IGF2BP2: variants seen among roughly 807,000 people sequenced by gnomAD.
The protein encoded by IGF2BP2 is insulin-like growth factor 2 mRNA-binding protein 2.
A neutral mutation model predicts 75.8 loss-of-function variants in IGF2BP2; 17 were observed. That is an observed-to-expected ratio of 0.22 (90% CI 0.15 to 0.34). The LOEUF (loss-of-function observed/expected upper bound fraction) is 0.34. Ranked by LOEUF, IGF2BP2 falls within the 10% of genes least tolerant of loss-of-function variation. IGF2BP2 has a pLI of 1.00. For missense variants in IGF2BP2, 516 were observed against 772.4 expected (o/e 0.67, Z 3.93); for synonymous variants, 288 against 295.6 (o/e 0.97, Z 0.26).
In IGF2BP2 at chr3:185,698,416, G is replaced by A. The variant is rs531444244; in HGVS notation, c.240-69C>T. Reference sequence around the variant, plus strand: ...CAAACTACAGCAAATAATAAAAACCGGCTTAAACCCGTCATTTGAATTTGT... The same window carrying A: ...CAAACTACAGCAAATAATAAAAACCAGCTTAAACCCGTCATTTGAATTTGT... On this transcript the variant is annotated intron_variant, in intron 2 of 15. Coordinates refer to ENST00000382199, the MANE Select transcript of IGF2BP2 (RefSeq NM_006548.6). 3.8e-5 allele frequency: 54 copies of A among 1,414,928 alleles called. 2 individuals carry two copies. The South Asian group carries it at 4.6e-4, about 12-fold the overall frequency. The allele number at this position is 1,414,928 out of a possible 1,614,324, so 87.6% of individuals were successfully genotyped here. A position where few individuals can be genotyped will look rare whatever the true frequency, so the allele number is the denominator to read the frequency against.
chr3:185,804,607 A>T (rs1738749925), intron 2 of IGF2BP2, among the ~76,000 whole-genome samples: 1 of 152,184 alleles, frequency 6.6e-6, no homozygotes, highest in African/African-American at 2.4e-5. Context: ...TAAATTTTTT[A>T]AAATCTGCCC....
chr3:185,716,938 C>T (rs796840968), intron 2 of IGF2BP2: 32 of 419,498 alleles, frequency 7.6e-5, no homozygotes, highest in African/African-American at 5.7e-4. Context: ...AGCCAGACTC[C>T]GCCTTCTGTG....
rs575096607 is a variant in IGF2BP2 at position 185,663,623 on chromosome 3, G to A, written c.1201-5214C>T. Among the ~76,000 whole-genome samples, 10 of 152,308 alleles carry A rather than the reference G, an allele frequency of 6.6e-5. No homozygotes were observed. The East Asian group carries it at 1.9e-3, about 29-fold the overall frequency. On this transcript the variant is annotated intron_variant, in intron 10 of 15. Transcript: ENST00000382199. Reference sequence around the variant, plus strand: ...ATATTCTGAAGCATGAAGAAATCAGGGGGTGGGAGGAGTGAAGGGTGGGAA... The same window carrying A: ...ATATTCTGAAGCATGAAGAAATCAGAGGGTGGGAGGAGTGAAGGGTGGGAA...
At chr3:185,810,278 G>A (rs1325751396) in intron 2 of IGF2BP2, among the ~76,000 whole-genome samples, 1 of 152,004 alleles carries the variant, frequency 6.6e-6, no homozygotes, top group Non-Finnish European at 1.5e-5. Context: ...GTTTCCTTTC[G>A]TTTAGCCTTA....
chr3:185,665,385 G>A (rs1304958586), intron 10 of IGF2BP2, among the ~76,000 whole-genome samples: 20 of 143,044 alleles, frequency 1.4e-4, no homozygotes, highest in African/African-American at 4.7e-4. Context: ...AGGAGGAGGA[G>A]GAGAAGGAGG....
intron 2 of IGF2BP2, among the ~76,000 whole-genome samples, chr3:185,786,990 A>G (rs1030920207): frequency 3.3e-5 from 5 of 152,178 alleles, no homozygotes; most frequent in African/African-American, 1.2e-4. Flanking sequence ...GACCCCACCA[A>G]AACAAATTAC....
At chr3:185,656,860 C>G (rs1715518362) in intron 12 of IGF2BP2, among the ~76,000 whole-genome samples, 1 of 152,190 alleles carries the variant, frequency 6.6e-6, no homozygotes, top group Admixed American at 6.5e-5. Context: ...ATGATTTTAT[C>G]ATTGCTTTTC....
chr3:185,703,626 C>T (rs181017649), intron 2 of IGF2BP2, among the ~76,000 whole-genome samples: 2 of 151,946 alleles, frequency 1.3e-5, no homozygotes, highest in African/African-American at 2.4e-5. Context: ...AAAAATTAGC[C>T]GGGCATGGTG....
chr3:185,698,381 C>T (rs762627215), intron 2 of IGF2BP2, 34 bp from the exon 3 acceptor site: 2 of 1,590,538 alleles, frequency 1.3e-6, no homozygotes, highest in African/African-American at 1.3e-5. Context: ...ATAACACTTT[C>T]TCCAGGACAC....
rs1214496969 is a variant in IGF2BP2 at position 185,643,937 on chromosome 3, A to C, written c.*1594T>G. 1 of 150,722 alleles carries C rather than the reference A, an allele frequency of 6.6e-6. No homozygotes were observed. 9.3% of individuals were successfully genotyped at this position (150,722 alleles called of 1,614,324 possible). A position where few individuals can be genotyped will look rare whatever the true frequency, so the allele number is the denominator to read the frequency against. On this transcript the variant is annotated 3_prime_UTR_variant, in exon 16 of 16. Coordinates refer to ENST00000382199, the MANE Select transcript of IGF2BP2 (RefSeq NM_006548.6). ...CGCGTACCCTATTAAAATTCAGGAC[A>C]TCTCCAATATTCTCTCTCTCTGTTT...
At chr3:185,795,030 T>C (rs1251231696) in intron 2 of IGF2BP2, among the ~76,000 whole-genome samples, 1 of 152,064 alleles carries the variant, frequency 6.6e-6, no homozygotes, top group Non-Finnish European at 1.5e-5. Context: ...CCTGACTTGC[T>C]GGAACTACAG....
chr3:185,752,980 G>C (rs1731155271), intron 2 of IGF2BP2, among the ~76,000 whole-genome samples: 1 of 152,198 alleles, frequency 6.6e-6, no homozygotes, highest in Admixed American at 6.5e-5. Context: ...ACAACAGAGA[G>C]AATGCAGGGG....
intron 2 of IGF2BP2, chr3:185,728,595 A>G (rs1727692254): frequency 6.6e-6 from 1 of 152,234 alleles, no homozygotes; most frequent in Non-Finnish European, 1.5e-5. Flanking sequence ...GGTGAGTCTT[A>G]TAATTTTCAA....
At chr3:185,708,587 C>T (rs1293694199) in intron 2 of IGF2BP2, among the ~76,000 whole-genome samples, 2 of 152,008 alleles carry the variant, frequency 1.3e-5, no homozygotes, top group African/African-American at 4.8e-5. Context: ...CCCTGGCGCA[C>T]GGCGGGGTGC....
At chr3:185,666,085 C>T (rs1448891155) in intron 10 of IGF2BP2, among the ~76,000 whole-genome samples, 1 of 152,094 alleles carries the variant, frequency 6.6e-6, no homozygotes, top group South Asian at 2.1e-4. Context: ...AATTTCTAGA[C>T]ACCCAGAATT....
At chr3:185,692,633 G>C in intron 5 of IGF2BP2, 66 bp downstream of exon 5, 1 of 1,328,430 alleles carries the variant, frequency 7.5e-7, no homozygotes, top group South Asian at 1.2e-5. Context: ...TAAAAACACA[G>C]AACTCAATGG....
chr3:185,645,695 G>C lies in IGF2BP2; in HGVS notation c.1708-72C>G. The C allele has an allele frequency of 8.8e-7, 1 of 1,137,646 alleles. No homozygotes were observed. The highest frequency in any genetic ancestry group is 1.2e-5 in the South Asian group (1 of 80,752). 70.5% of individuals were successfully genotyped at this position (1,137,646 alleles called of 1,614,324 possible). A position where few individuals can be genotyped will look rare whatever the true frequency, so the allele number is the denominator to read the frequency against. On this transcript the variant is annotated intron_variant, in intron 15 of 15. Coordinates refer to ENST00000382199, the MANE Select transcript of IGF2BP2 (RefSeq NM_006548.6). The surrounding 1 kb of genome is among the most constrained non-coding windows in gnomAD (Gnocchi z 4.9). ...AACCCAGTTCTGAGGACAAACGGCAGGGGAGGCTCTGGGGCTTGGGGATGA... is the reference window on the plus strand; with the variant it reads ...AACCCAGTTCTGAGGACAAACGGCACGGGAGGCTCTGGGGCTTGGGGATGA...
intron 10 of IGF2BP2, among the ~76,000 whole-genome samples, chr3:185,666,883 GT>G (rs1717724653): frequency 6.6e-6 from 1 of 152,146 alleles, no homozygotes; most frequent in African/African-American, 2.4e-5. Context: ...AGGCCCACAT[GT>G]TTTTTGATTG....
chr3:185,823,594 A>C (rs1741643441), intron 1 of IGF2BP2, among the ~76,000 whole-genome samples: 1 of 151,426 alleles, frequency 6.6e-6, no homozygotes, highest in East Asian at 2.0e-4. Context: ...CGGGGCCCGA[A>C]GGCTCCACCG....
Sources: allele counts gnomAD v4.1 joint callset (sites outside exome capture counted in the v4.1 genomes callset), GRCh38; gene constraint gnomAD v4.1.1; non-coding constraint Gnocchi (gnomAD v3.1); transcripts MANE v1.5; gene names NCBI Gene and HGNC (gene_info 2026-07-23, HGNC 2026-07-21).